Variants in EPHA3 observed in about 807,000 individuals in gnomAD.
EPHA3 encodes the protein EPH receptor A3.
A neutral mutation model predicts 107.1 loss-of-function variants in EPHA3; 42 were observed. The observed-to-expected ratio is 0.39, with a 90% CI of 0.31 to 0.51. The LOEUF is 0.51. EPHA3 is among the 20% of genes least tolerant of loss of function. The pLI, the probability that EPHA3 is intolerant of heterozygous loss-of-function variation, is 0.78. For synonymous variants in EPHA3, 461 were observed against 424.8 expected (o/e 1.09, Z -1.05); for missense variants, 1,183 against 1,211.2 (o/e 0.98, Z 0.35).
At chr3:89,341,727 C>T (rs767798042) in intron 4 of EPHA3, 28 bp from the exon 5 acceptor site, 3 of 1,542,024 alleles carry the variant, frequency 1.9e-6, no homozygotes, top group South Asian at 1.2e-5. Context: ...AAGTGAGGCT[C>T]ATTAATCTTT....
chr3:89,209,976 C>T lies in EPHA3; in HGVS notation c.270C>T (p.Asn90=). The stretch of plus-strand genomic sequence containing the variant: ...TGAGAACAAACTGGGTCCCCAGGAA[C>T]TCAGCTCAGAAGATTTATGTGGAGC... ...NWLRTNWVPR[N]SAQKIYVELK... Residue 90 remains asparagine, a synonymous_variant, in exon 3 of 17, where the codon AAC becomes AAT. Transcript: ENST00000336596. 1 of 1,613,962 alleles carries T rather than the reference C, an allele frequency of 6.2e-7. No individual in the cohort carries two copies.
At chr3:89,328,277 C>T (rs1286971141) in intron 3 of EPHA3, among the ~76,000 whole-genome samples, 3 of 152,004 alleles carry the variant, frequency 2.0e-5, no homozygotes, top group Non-Finnish European at 4.4e-5. Flanking sequence ...GTAGACAGTC[C>T]ATTACATGGG....
chr3:89,445,354 T>G (rs182619162), intron 13 of EPHA3, among the ~76,000 whole-genome samples: 1 of 152,230 alleles, frequency 6.6e-6, no homozygotes, highest in African/African-American at 2.4e-5. Context: ...TTAGACTGAG[T>G]TGTTTGGATA....
At chr3:89,223,403 T>G (rs1188564730) in intron 3 of EPHA3, among the ~76,000 whole-genome samples, 1 of 152,132 alleles carries the variant, frequency 6.6e-6, no homozygotes, top group African/African-American at 2.4e-5. Flanking sequence ...GCACAGTAGG[T>G]AAAACAGATG....
chr3:89,388,208 G>A (rs1307834945), intron 5 of EPHA3, among the ~76,000 whole-genome samples: 2 of 151,856 alleles, frequency 1.3e-5, no homozygotes, highest in East Asian at 3.9e-4. Context: ...TTATTTTTCA[G>A]AGGAACCAGC....
chr3:89,318,807 A>T (rs1389649282), intron 3 of EPHA3, among the ~76,000 whole-genome samples: 1 of 151,940 alleles, frequency 6.6e-6, no homozygotes, highest in Non-Finnish European at 1.5e-5. Flanking sequence ...GAGTTTTCTT[A>T]TACTGTCTGT....
chr3:89,251,813 G>T (rs1437194245), intron 3 of EPHA3, among the ~76,000 whole-genome samples: 1 of 152,006 alleles, frequency 6.6e-6, no homozygotes, highest in African/African-American at 2.4e-5. Flanking sequence ...AAATCAGATT[G>T]ATTAGCATCA....
chr3:89,181,034 T>A (rs1705432430), intron 2 of EPHA3, among the ~76,000 whole-genome samples: 1 of 152,014 alleles, frequency 6.6e-6, no homozygotes, highest in Admixed American at 6.6e-5. Context: ...TTTATTTTCA[T>A]AGTTTTGAAA....
At chr3:89,159,585 G>A (rs1349836723) in intron 2 of EPHA3, among the ~76,000 whole-genome samples, 1 of 152,046 alleles carries the variant, frequency 6.6e-6, no homozygotes, top group Non-Finnish European at 1.5e-5. Flanking sequence ...ACAGAGTTCT[G>A]GGCAGGAATA....
At chr3:89,478,907 A>G (rs575975386) in intron 16 of EPHA3, among the ~76,000 whole-genome samples, 1 of 152,342 alleles carries the variant, frequency 6.6e-6, no homozygotes, top group East Asian at 1.9e-4. Context: ...TGGCAGTACC[A>G]TAATTGCTCC....
At chr3:89,130,454 A>G (rs1704181946) in intron 2 of EPHA3, among the ~76,000 whole-genome samples, 1 of 152,146 alleles carries the variant, frequency 6.6e-6, no homozygotes, top group Non-Finnish European at 1.5e-5. Context: ...GAATGCTTGT[A>G]TCATCTGAGC....
intron 2 of EPHA3, among the ~76,000 whole-genome samples, chr3:89,164,762 T>C (rs9828822): frequency 0.95 from 144,734 of 152,288 alleles, 68,855 homozygotes; most frequent in African/African-American, 0.97. Context: ...ACAATTAGTG[T>C]TAATAGAATG....
At chr3:89,373,223 T>A (rs766068691) in intron 5 of EPHA3, among the ~76,000 whole-genome samples, 6 of 151,818 alleles carry the variant, frequency 4.0e-5, no homozygotes, top group Non-Finnish European at 8.8e-5. Context: ...TGTAAGATAA[T>A]CTTTTTTTCT....
At chr3:89,474,279 C>T (rs1228562581) in intron 16 of EPHA3, among the ~76,000 whole-genome samples, 2 of 152,056 alleles carry the variant, frequency 1.3e-5, no homozygotes, top group Non-Finnish European at 2.9e-5. Context: ...ATAAACTTAC[C>T]CTAGTCAATT....
At chr3:89,304,976 G>A (rs760264152) in intron 3 of EPHA3, among the ~76,000 whole-genome samples, 138 of 151,978 alleles carry the variant, frequency 9.1e-4, no homozygotes, top group Admixed American at 3.1e-3. Context: ...TTTGATGTTG[G>A]CCTTCTTTAG....
intron 3 of EPHA3, among the ~76,000 whole-genome samples, chr3:89,310,010 A>G (rs1257307422): frequency 6.6e-6 from 1 of 152,008 alleles, no homozygotes; most frequent in Non-Finnish European, 1.5e-5. Flanking sequence ...TAAGATTCTT[A>G]TACCAAGTCA....
At chr3:89,181,381 T>C (rs1705438974) in intron 2 of EPHA3, among the ~76,000 whole-genome samples, 1 of 151,998 alleles carries the variant, frequency 6.6e-6, no homozygotes. Context: ...CAGCAAAATA[T>C]ATCAGTTATA....
intron 3 of EPHA3, among the ~76,000 whole-genome samples, chr3:89,316,318 C>A (rs926068512): frequency 4.0e-5 from 6 of 151,338 alleles, no homozygotes; most frequent in Admixed American, 3.3e-4. Flanking sequence ...CTTTGATCCT[C>A]TTCTGTGGTG....
chr3:89,469,706 A>T (rs1326375400), intron 15 of EPHA3, among the ~76,000 whole-genome samples: 2 of 152,200 alleles, frequency 1.3e-5, no homozygotes, highest in Non-Finnish European at 2.9e-5. Context: ...AATGATTGCT[A>T]CTCATATGTA....
Sources: allele counts gnomAD v4.1 joint callset (sites outside exome capture counted in the v4.1 genomes callset), GRCh38; gene constraint gnomAD v4.1.1; transcripts MANE v1.5; gene names NCBI Gene and HGNC (gene_info 2026-07-23, HGNC 2026-07-21).